Variants in SNTG1 observed in about 807,000 individuals in gnomAD.
SNTG1 encodes the protein syntrophin gamma 1.
In SNTG1, 39 loss-of-function variants were observed where a neutral mutation model predicts 74.7. The observed-to-expected ratio is 0.52, with a 90% CI of 0.40 to 0.68. The LOEUF is 0.68. Among genes scored for constraint, SNTG1 ranks in the 30% least tolerant of loss-of-function variants. SNTG1 has a pLI of 0.00. For synonymous variants in SNTG1, 254 were observed against 217.1 expected (o/e 1.17, Z -1.49); for missense variants, 685 against 609.5 (o/e 1.12, Z -1.30).
At chr8:50,781,947 T>TTC (rs1443315918) in intron 18 of SNTG1, among the ~76,000 whole-genome samples, 1 of 152,194 alleles carries the variant, frequency 6.6e-6, no homozygotes, top group Non-Finnish European at 1.5e-5. Context: ...AGGATTTTAT[T>TTC]TCACTTTCAC....
At chr8:49,986,833 T>C (rs59240550) in intron 1 of SNTG1, among the ~76,000 whole-genome samples, 15,827 of 152,138 alleles carry the variant, frequency 0.1, 1,223 homozygotes, top group African/African-American at 0.2. Context: ...ATCGTGCCAC[T>C]GCACTCCACT....
intron 8 of SNTG1, among the ~76,000 whole-genome samples, chr8:50,469,276 T>G (rs1396165426): frequency 6.6e-6 from 1 of 152,184 alleles, no homozygotes; most frequent in Non-Finnish European, 1.5e-5. Flanking sequence ...GTGTCGTTTT[T>G]GTTTTCAGCA....
chr8:50,742,004 TAA>T (rs2095544624), intron 17 of SNTG1, among the ~76,000 whole-genome samples: 1 of 152,008 alleles, frequency 6.6e-6, no homozygotes, highest in African/African-American at 2.4e-5. Flanking sequence ...AACCCAAATG[TAA>T]ACTTAGGACT....
chr8:49,952,814 A>T (rs1018902855), intron 1 of SNTG1, among the ~76,000 whole-genome samples: 1 of 152,218 alleles, frequency 6.6e-6, no homozygotes, highest in Non-Finnish European at 1.5e-5. Flanking sequence ...TTAATAGGTA[A>T]TCATAAGAAG....
chr8:50,082,843 T>C (rs1368846348), intron 1 of SNTG1, among the ~76,000 whole-genome samples: 1 of 152,136 alleles, frequency 6.6e-6, no homozygotes, highest in African/African-American at 2.4e-5. Context: ...CTAGCTTAAG[T>C]CTTCCTTTGA....
Position 50,728,985 on chromosome 8 carries a change from C to T in SNTG1, c.1284+20007C>T, listed in dbSNP as rs187909183. Among the ~76,000 whole-genome samples, 138 of 152,294 alleles carry T rather than the reference C, an allele frequency of 9.1e-4. 2 individuals carry two copies. Among genetic ancestry groups the T allele is most frequent in the Middle Eastern group, 6.8e-3 (2 of 294 alleles). The stretch of plus-strand genomic sequence containing the variant: ...GTTTTAAGAACAACTAACTGAGGGG[C>T]TGTTGAAGAGGAAACCTCAATATTT... On this transcript the variant is annotated intron_variant, in intron 17 of 18. Transcript: ENST00000642720.
At chr8:50,285,577 T>A (rs12676033) in intron 2 of SNTG1, among the ~76,000 whole-genome samples, 1 of 151,988 alleles carries the variant, frequency 6.6e-6, no homozygotes, top group Admixed American at 6.6e-5. Context: ...GCATATATCA[T>A]GCACCAACCT....
intron 1 of SNTG1, among the ~76,000 whole-genome samples, chr8:50,054,635 T>C (rs1819872622): frequency 1.3e-5 from 2 of 152,094 alleles, no homozygotes; most frequent in South Asian, 4.1e-4. Context: ...GGTGATCGAA[T>C]AACCTGCTCC....
intron 12 of SNTG1, among the ~76,000 whole-genome samples, chr8:50,585,281 G>A (rs1449932631): frequency 6.6e-6 from 1 of 152,022 alleles, no homozygotes; most frequent in Non-Finnish European, 1.5e-5. Context: ...TGATGTGTTG[G>A]GCAACCCTGG....
intron 2 of SNTG1, among the ~76,000 whole-genome samples, chr8:50,367,641 C>T (rs2092151925): frequency 6.6e-6 from 1 of 151,884 alleles, no homozygotes; most frequent in Admixed American, 6.6e-5. Flanking sequence ...TTACATTTTG[C>T]TAAAGTATAA....
intron 2 of SNTG1, among the ~76,000 whole-genome samples, chr8:50,177,126 G>A (rs1434815289): frequency 1.3e-5 from 2 of 152,168 alleles, no homozygotes; most frequent in African/African-American, 4.8e-5. Context: ...AAGCAAAAAA[G>A]TCTCAAAAAT....
intron 2 of SNTG1, among the ~76,000 whole-genome samples, chr8:50,229,063 A>T (rs1252503933): frequency 6.6e-6 from 1 of 151,656 alleles, no homozygotes; most frequent in Non-Finnish European, 1.5e-5. Context: ...TTGTTATTTG[A>T]TTGTGGATTT....
At chr8:50,521,294 G>A (rs796914794) in intron 9 of SNTG1, among the ~76,000 whole-genome samples, 29 of 152,216 alleles carry the variant, frequency 1.9e-4, no homozygotes, top group African/African-American at 6.5e-4. Flanking sequence ...GGGAGGGATA[G>A]CATTAGGAGA....
At chr8:50,496,233 G>C (rs189002632) in intron 8 of SNTG1, among the ~76,000 whole-genome samples, 2 of 152,132 alleles carry the variant, frequency 1.3e-5, no homozygotes, top group African/African-American at 4.8e-5. Context: ...TGTTACTGGC[G>C]GGCAGAAATA....
At chr8:50,697,217 T>C (rs941330632) in intron 15 of SNTG1, among the ~76,000 whole-genome samples, 3 of 152,098 alleles carry the variant, frequency 2.0e-5, no homozygotes, top group Non-Finnish European at 4.4e-5. Context: ...AAGATTGCCC[T>C]CCTTTCAACT....
intron 11 of SNTG1, among the ~76,000 whole-genome samples, chr8:50,547,496 G>C (rs184889280): frequency 3.3e-4 from 50 of 152,214 alleles, no homozygotes; most frequent in African/African-American, 1.2e-3. Flanking sequence ...ATTTTGTATA[G>C]TTCTTTCAAT....
At chr8:50,574,337 A>C (rs62516788) in intron 12 of SNTG1, among the ~76,000 whole-genome samples, 14,633 of 152,098 alleles carry the variant, frequency 0.096, 938 homozygotes, top group Non-Finnish European at 0.14. Context: ...TATTTACCTG[A>C]TATTTTTATC....
chr8:50,478,004 A>T (rs1395551593), intron 8 of SNTG1, among the ~76,000 whole-genome samples: 1 of 152,162 alleles, frequency 6.6e-6, no homozygotes, highest in African/African-American at 2.4e-5. Flanking sequence ...TGAAATACTG[A>T]AATACCCTCT....
At chr8:50,596,040 A>T (rs1190845396) in intron 13 of SNTG1, among the ~76,000 whole-genome samples, 1 of 152,024 alleles carries the variant, frequency 6.6e-6, no homozygotes, top group African/African-American at 2.4e-5. Context: ...ACATTTTAAG[A>T]AACTGCAGAA....
Sources: allele counts gnomAD v4.1 joint callset (sites outside exome capture counted in the v4.1 genomes callset), GRCh38; gene constraint gnomAD v4.1.1; transcripts MANE v1.5; gene names NCBI Gene and HGNC (gene_info 2026-07-23, HGNC 2026-07-21).